TSG101: variants seen among roughly 807,000 people sequenced by gnomAD.
TSG101 encodes the protein tumor susceptibility gene 101 protein.
Under a neutral mutation model 48.5 loss-of-function variants are expected in TSG101, and 19 were observed. The observed-to-expected ratio is 0.39, with a 90% CI of 0.27 to 0.58. The LOEUF (loss-of-function observed/expected upper bound fraction) is 0.58, where lower values mean the gene tolerates loss of function less well. Among genes scored for constraint, TSG101 ranks in the 20% least tolerant of loss-of-function variants. TSG101 has a pLI of 0.55. For missense variants in TSG101, 365 were observed against 484.4 expected, an observed-to-expected ratio of 0.75 and a Z score of 2.31; for synonymous variants, 174 against 169.4, an observed-to-expected ratio of 1.03 and a Z score of -0.21.
At position 18,480,567 on chromosome 11, in the gene TSG101, G is replaced by T. The variant is rs573872668; in HGVS notation, c.1152C>A (p.Ala384=). 1.2e-6 allele frequency: 2 copies of T among 1,613,722 alleles called. No individual in the cohort carries two copies. Among genetic ancestry groups the T allele is most frequent in the Non-Finnish European group, 1.7e-6 (2 of 1,179,884 alleles). Residue 384 remains alanine, a synonymous_variant, in exon 10 of 10, where the codon GCC becomes GCA. Transcript: ENST00000251968. ...GAAGTCAGTAGAGGTCACTGAGACC[G>T]GCAGTCTTTCTTGCTTTTTGCATTA... is the stretch of plus-strand genomic sequence containing the variant. ...RALMQKARKT[A]GLSDLY is the part of the protein sequence containing the mutation.
chr11:18,512,682 A>G (rs144489961), intron 4 of TSG101, among the ~76,000 whole-genome samples: 1,876 of 151,382 alleles, frequency 0.012, 19 homozygotes, highest in Non-Finnish European at 0.019. Context: ...TGGCAGGCAG[A>G]CAGTCAGGAT....
intron 1 of TSG101, 53 bp from the exon 2 acceptor site, chr11:18,519,656 A>G (rs1276702784): frequency 1.1e-5 from 15 of 1,322,056 alleles, no homozygotes; most frequent in Non-Finnish European, 1.5e-5. Context: ...CATATATTTT[A>G]CAGCTGGATG....
At chr11:18,499,408 T>A (rs1267275236) in intron 7 of TSG101, among the ~76,000 whole-genome samples, 61 of 16,184 alleles carry the variant, frequency 3.8e-3, no homozygotes, top group African/African-American at 8.6e-3. Context: ...ATATATTTTT[T>A]TTTTTTTTTT....
chr11:18,494,252 G>A (rs1218025268), intron 7 of TSG101, among the ~76,000 whole-genome samples: 1 of 152,090 alleles, frequency 6.6e-6, no homozygotes. Context: ...ATGCTACCTG[G>A]TAGGCATAAG....
intron 7 of TSG101, among the ~76,000 whole-genome samples, chr11:18,500,803 G>A (rs1337711134): frequency 7.1e-6 from 1 of 140,330 alleles, no homozygotes; most frequent in Non-Finnish European, 1.6e-5. Context: ...CCTTTGTTGT[G>A]CAGAAGCTTT....
At chr11:18,496,048 T>C (rs1849771815) in intron 7 of TSG101, among the ~76,000 whole-genome samples, 1 of 152,210 alleles carries the variant, frequency 6.6e-6, no homozygotes, top group Non-Finnish European at 1.5e-5. Flanking sequence ...CACACATAAA[T>C]TCACAACATA....
chr11:18,481,989 A>C (rs1849548398), intron 8 of TSG101, 120 bp from the exon 9 acceptor site: 7 of 1,368,586 alleles, frequency 5.1e-6, no homozygotes, highest in Non-Finnish European at 5.9e-6. Flanking sequence ...CATGGATGAG[A>C]ATAATGTTTC....
intron 7 of TSG101, among the ~76,000 whole-genome samples, chr11:18,493,651 C>T (rs1305986255): frequency 1.3e-5 from 2 of 152,138 alleles, no homozygotes; most frequent in Non-Finnish European, 2.9e-5. Flanking sequence ...TAATCCCACA[C>T]AGTAGCTTAC....
intron 5 of TSG101, among the ~76,000 whole-genome samples, chr11:18,509,179 A>C (rs979535774): frequency 2.0e-5 from 3 of 152,248 alleles, no homozygotes; most frequent in African/African-American, 7.2e-5. Flanking sequence ...CTGATTTTGT[A>C]GTTGCAAAGA....
At chr11:18,523,648 G>A (rs890568857) in intron 1 of TSG101, among the ~76,000 whole-genome samples, 4 of 151,928 alleles carry the variant, frequency 2.6e-5, no homozygotes, top group African/African-American at 7.2e-5. Flanking sequence ...GATTACAGGC[G>A]TGCGCCACCA....
intron 7 of TSG101, among the ~76,000 whole-genome samples, chr11:18,499,316 ATATATTTATATATTTATATTTATG>A (rs1192860321): frequency 8.3e-6 from 1 of 120,448 alleles, no homozygotes; most frequent in Non-Finnish European, 1.7e-5. Flanking sequence ...ATTTATTTAT[ATATATTTATATATTTATATTTATG>A]TATATTTATA....
chr11:18,481,498 C>T (rs1849539412), intron 9 of TSG101, 132 bp downstream of exon 9: 1 of 1,456,628 alleles, frequency 6.9e-7, no homozygotes, highest in Non-Finnish European at 9.0e-7. Context: ...CCCTACATCT[C>T]ATTTAGTGTT....
At chr11:18,512,031 T>C (rs1005071121) in intron 4 of TSG101, among the ~76,000 whole-genome samples, 3 of 152,194 alleles carry the variant, frequency 2.0e-5, no homozygotes, top group African/African-American at 7.2e-5. Context: ...CCATTCCTTT[T>C]ACACTAAATT....
Position 18,526,838 on chromosome 11 carries a change from T to C in TSG101, c.-22A>G, listed in dbSNP as rs777087366. ...CCATGACGGCCGCCTGGCGACTCCC[T>C]TCCCCGCAGGCAGAGGGTCAGCCGC... On this transcript the variant is annotated 5_prime_UTR_variant, in exon 1 of 10. Coordinates refer to ENST00000251968, the MANE Select transcript of TSG101 (RefSeq NM_006292.4). 6.3e-7 allele frequency: 1 copy of C among 1,598,528 alleles called. No homozygotes were observed. The highest frequency in any genetic ancestry group is 2.2e-5 in the East Asian group (1 of 44,516).
chr11:18,484,168 C>T (rs1235681894), intron 7 of TSG101, 96 bp from the exon 8 acceptor site: 1 of 1,239,516 alleles, frequency 8.1e-7, no homozygotes, highest in Non-Finnish European at 1.1e-6. Context: ...TATGAACCGA[C>T]ACTTTCAAAA....
chr11:18,491,974 C>A (rs980550010), intron 7 of TSG101, among the ~76,000 whole-genome samples: 8 of 152,134 alleles, frequency 5.3e-5, no homozygotes, highest in African/African-American at 1.9e-4. Flanking sequence ...AGAATTTAGA[C>A]CGAATAAAAA....
chr11:18,516,911 T>C (rs1222898281), intron 2 of TSG101, among the ~76,000 whole-genome samples: 2 of 152,104 alleles, frequency 1.3e-5, no homozygotes, highest in Non-Finnish European at 2.9e-5. Context: ...CATTGCACTT[T>C]AGTCTGGGCA....
chr11:18,514,941 T>G (rs1373420179), intron 3 of TSG101, 100 bp from the exon 4 acceptor site: 1 of 1,071,352 alleles, frequency 9.3e-7, no homozygotes, highest in Non-Finnish European at 1.3e-6. Context: ...AATTTATACA[T>G]ATATCCGCAT....
At chr11:18,499,404 T>TA (rs1372786271) in intron 7 of TSG101, among the ~76,000 whole-genome samples, 3 of 5,128 alleles carry the variant, frequency 5.9e-4, no homozygotes, top group East Asian at 0.013. Flanking sequence ...ATATATATAT[T>TA]TTTTTTTTTT....
Sources: allele counts gnomAD v4.1 joint callset (sites outside exome capture counted in the v4.1 genomes callset), GRCh38; gene constraint gnomAD v4.1.1; transcripts MANE v1.5; gene names NCBI Gene and HGNC (gene_info 2026-07-23, HGNC 2026-07-21).